Variants in ARHGAP15 observed in about 807,000 individuals in gnomAD.
ARHGAP15 encodes rho GTPase-activating protein 15.
In ARHGAP15, 51 loss-of-function variants were observed where a neutral mutation model predicts 63.7. The ratio of observed to expected loss-of-function variants is 0.80; its 90% CI spans 0.64 to 1.01. The LOEUF is 1.01. ARHGAP15 is among the 50% of genes least tolerant of loss of function. The pLI, the probability that ARHGAP15 is intolerant of heterozygous loss-of-function variation, is 0.00. For missense variants in ARHGAP15, 560 were observed against 564.6 expected (o/e 0.99, Z 0.08); for synonymous variants, 191 against 193.8 (o/e 0.99, Z 0.12).
At position 143,481,552 on chromosome 2, in the gene ARHGAP15, C is replaced by T. The variant is rs573499570; in HGVS notation, c.704-5821C>T. Among the ~76,000 whole-genome samples the T allele has an allele frequency of 3.9e-5, 6 of 152,204 alleles. No homozygotes were observed. In the South Asian group the frequency reaches 6.2e-4, roughly 16 times the overall value. On this transcript the variant is annotated intron_variant, in intron 8 of 13. Coordinates refer to ENST00000295095, the MANE Select transcript of ARHGAP15 (RefSeq NM_018460.4). ...CAATTTTGGATCATATTATCCAAAC[C>T]GTTGAATTCTGGAAGATTTGGGGGT... is the stretch of plus-strand genomic sequence containing the variant.
chr2:143,623,129 C>G (rs1048742889), intron 11 of ARHGAP15, among the ~76,000 whole-genome samples: 1 of 152,156 alleles, frequency 6.6e-6, no homozygotes, highest in Non-Finnish European at 1.5e-5. Flanking sequence ...CCATGTTGCA[C>G]GTTTAGAAAG....
chr2:143,443,881 C>T (rs371854047), intron 8 of ARHGAP15, among the ~76,000 whole-genome samples: 3 of 152,106 alleles, frequency 2.0e-5, no homozygotes, highest in Admixed American at 2.0e-4. Context: ...TTCTGGGACC[C>T]GTAGATTGCA....
chr2:143,417,477 A>G (rs1021686193), intron 6 of ARHGAP15, among the ~76,000 whole-genome samples: 1 of 152,150 alleles, frequency 6.6e-6, no homozygotes, highest in Non-Finnish European at 1.5e-5. Context: ...TCTGTACTTA[A>G]TATGGATAAT....
chr2:143,356,052 A>T (rs1685795002), intron 6 of ARHGAP15, among the ~76,000 whole-genome samples: 1 of 148,380 alleles, frequency 6.7e-6, no homozygotes. Flanking sequence ...TCATCTTATT[A>T]AAAAAAAAAG....
chr2:143,393,637 G>A (rs983949368), intron 6 of ARHGAP15, among the ~76,000 whole-genome samples: 1 of 149,638 alleles, frequency 6.7e-6, no homozygotes, highest in East Asian at 2.0e-4. Flanking sequence ...GGCTGAGGCA[G>A]GAGAATGGCT....
chr2:143,564,520 A>G lies in ARHGAP15; in HGVS notation c.1003+8035A>G, dbSNP rs374197897. Among the ~76,000 whole-genome samples, 14 of 152,342 alleles carry G rather than the reference A, an allele frequency of 9.2e-5. 1 individual carries two copies. Among genetic ancestry groups the G allele is most frequent in the African/African-American group, 3.4e-4 (14 of 41,586 alleles). On this transcript the variant is annotated intron_variant, in intron 11 of 13. Transcript: ENST00000295095. ...TAAAAGAAAAACTCCCCAGATAAGT[A>G]AAGTGCATAGCCAGGTTTGGAAACT...
In ARHGAP15 at chr2:143,666,795, T is replaced by G. The variant is rs557392214; in HGVS notation, c.1139-36624T>G. Among the ~76,000 whole-genome samples the G allele has an allele frequency of 1.1e-3, 171 of 148,944 alleles. 6 individuals carry two copies. The highest frequency in any genetic ancestry group is 3.0e-3 in the African/African-American group (116 of 38,952). On this transcript the variant is annotated intron_variant, in intron 12 of 13. Transcript: ENST00000295095. Reference sequence around the variant, plus strand: ...GAGACTTCTCAAAAGAAGACATTTATGCAGCCAAAAAACACATGAAAAAAT... The same window carrying G: ...GAGACTTCTCAAAAGAAGACATTTAGGCAGCCAAAAAACACATGAAAAAAT...
At chr2:143,492,966 G>A (rs13027781) in intron 9 of ARHGAP15, among the ~76,000 whole-genome samples, 39,824 of 151,058 alleles carry the variant, frequency 0.26, 5,991 homozygotes, top group East Asian at 0.71. Context: ...GCTGAAGCAC[G>A]AGAATGGCGT....
At chr2:143,183,130 G>A (rs1323267911) in intron 2 of ARHGAP15, among the ~76,000 whole-genome samples, 1 of 152,194 alleles carries the variant, frequency 6.6e-6, no homozygotes, top group African/African-American at 2.4e-5. Context: ...AGACTTGAGA[G>A]GCTCACTGAA....
At chr2:143,535,252 T>A (rs1694701448) in intron 10 of ARHGAP15, among the ~76,000 whole-genome samples, 1 of 152,178 alleles carries the variant, frequency 6.6e-6, no homozygotes. Context: ...GTACCCATTT[T>A]CCCTTTCTGT....
At chr2:143,574,165 C>G (rs954066826) in intron 11 of ARHGAP15, among the ~76,000 whole-genome samples, 2 of 152,114 alleles carry the variant, frequency 1.3e-5, no homozygotes, top group Admixed American at 1.3e-4. Flanking sequence ...GCCACACTGA[C>G]ACTCACTCAC....
chr2:143,765,723 C>T (rs1357227109), intron 13 of ARHGAP15, among the ~76,000 whole-genome samples: 3 of 152,020 alleles, frequency 2.0e-5, no homozygotes, highest in Non-Finnish European at 2.9e-5. Context: ...AGTGAAAAGC[C>T]GGCCCAGTTA....
chr2:143,620,309 A>C (rs2105234112), intron 11 of ARHGAP15, among the ~76,000 whole-genome samples: 1 of 151,756 alleles, frequency 6.6e-6, no homozygotes, highest in Non-Finnish European at 1.5e-5. Flanking sequence ...TTTCCTCTTC[A>C]CTCCATTGCT....
At chr2:143,138,730 G>A (rs1443238715) in intron 1 of ARHGAP15, among the ~76,000 whole-genome samples, 2 of 152,020 alleles carry the variant, frequency 1.3e-5, no homozygotes, top group African/African-American at 4.8e-5. Context: ...ACTAGCACAA[G>A]TGACTATTGA....
At chr2:143,456,392 T>A (rs1315356738) in intron 8 of ARHGAP15, among the ~76,000 whole-genome samples, 1 of 152,108 alleles carries the variant, frequency 6.6e-6, no homozygotes, top group East Asian at 1.9e-4. Flanking sequence ...CATTTTGAAT[T>A]TTCTATTGTG....
intron 11 of ARHGAP15, among the ~76,000 whole-genome samples, chr2:143,569,920 G>A (rs1043663651): frequency 3.9e-5 from 6 of 152,182 alleles, no homozygotes; most frequent in African/African-American, 1.4e-4. Context: ...GCAATAAAGT[G>A]TAGAGAGAAG....
At chr2:143,441,102 CTTA>C (rs527864060) in intron 8 of ARHGAP15, among the ~76,000 whole-genome samples, 3 of 152,010 alleles carry the variant, frequency 2.0e-5, no homozygotes, top group Non-Finnish European at 4.4e-5. Flanking sequence ...AGTAGGAGCT[CTTA>C]TTATTATCCT....
At chr2:143,220,922 A>G (rs111534409) in intron 4 of ARHGAP15, among the ~76,000 whole-genome samples, 13 of 152,222 alleles carry the variant, frequency 8.5e-5, no homozygotes, top group African/African-American at 2.4e-4. Context: ...ATTGCTTCCT[A>G]TTGTATAAAT....
At chr2:143,532,221 A>G (rs1694550925) in intron 10 of ARHGAP15, among the ~76,000 whole-genome samples, 1 of 152,210 alleles carries the variant, frequency 6.6e-6, no homozygotes, top group Admixed American at 6.5e-5. Context: ...CTCAGATGCC[A>G]AGATTTTACA....
Sources: gnomAD v4.1 joint callset for allele counts (sites outside exome capture counted in the v4.1 genomes callset) on GRCh38, gnomAD v4.1.1 for gene constraint, MANE v1.5 for transcripts, NCBI Gene and HGNC (gene_info 2026-07-23, HGNC 2026-07-21) for gene names.